The following TRAF3 variants were observed in gnomAD, a reference collection of about 807,000 sequenced individuals.
TRAF3 encodes TNF receptor-associated factor 3.
In TRAF3, 13 loss-of-function variants were observed where a neutral mutation model predicts 62.3. That is an observed-to-expected ratio of 0.21 (90% CI 0.14 to 0.33). The LOEUF (loss-of-function observed/expected upper bound fraction) is 0.33, where lower values mean the gene tolerates loss of function less well. TRAF3 is among the 10% of genes least tolerant of loss of function. TRAF3 has a pLI of 1.00. For synonymous variants in TRAF3, 269 were observed against 283.4 expected (o/e 0.95, Z 0.51); for missense variants, 440 against 741.8 (o/e 0.59, Z 4.73).
chr14:102,835,785 G>GA (rs1199491153), intron 2 of TRAF3, among the ~76,000 whole-genome samples: 1 of 152,100 alleles, frequency 6.6e-6, no homozygotes, highest in Non-Finnish European at 1.5e-5. Context: ...GAGAGGATCA[G>GA]AAAAAATAAC....
intron 2 of TRAF3, among the ~76,000 whole-genome samples, chr14:102,863,978 A>G (rs1015295218): frequency 6.6e-6 from 1 of 152,156 alleles, no homozygotes; most frequent in African/African-American, 2.4e-5. Context: ...CTTCTAGGCC[A>G]CTGCGGCAGC....
At chr14:102,850,616 C>G (rs1016786904) in intron 2 of TRAF3, among the ~76,000 whole-genome samples, 1 of 144,810 alleles carries the variant, frequency 6.9e-6, no homozygotes, top group Non-Finnish European at 1.5e-5. Context: ...ATCGTTTGAA[C>G]CTGGGAGGCG....
rs575278466 is a variant in TRAF3, at chr14:102,826,460, C to T, written c.-156-3874C>T. 3.3e-5 allele frequency among the ~76,000 whole-genome samples: 5 copies of T among 152,142 alleles called. No individual in the cohort carries two copies. In the South Asian group the frequency reaches 8.3e-4, roughly 25 times the overall value. Reference sequence around the variant, plus strand: ...GGACAGCATGGGAGCTGCTGGAGGTCGGGGGAGCTCAGGGAAAGGGCCTTG... The same window carrying T: ...GGACAGCATGGGAGCTGCTGGAGGTTGGGGGAGCTCAGGGAAAGGGCCTTG... On this transcript the variant is annotated intron_variant, in intron 1 of 11. Coordinates refer to ENST00000392745, the MANE Select transcript of TRAF3 (RefSeq NM_145725.3). This position sits in a 1 kb window ranked among gnomAD's most constrained non-coding sequence, Gnocchi z 4.6.
At position 102,887,606 on chromosome 14, in the gene TRAF3, T is replaced by G. The variant is rs569682435; in HGVS notation, c.651+1337T>G. Among the ~76,000 whole-genome samples, 9 of 152,314 alleles carry G rather than the reference T, an allele frequency of 5.9e-5. No individual in the cohort carries two copies. The South Asian group carries it at 6.2e-4, about 11-fold the overall frequency. ...GTGCTGTTGAAATAATTTCTTTTTT[T>G]TTTTTTGAGACGGAGTCTCGCTCTG... On this transcript the variant is annotated intron_variant, in intron 7 of 11. Coordinates refer to ENST00000392745, the MANE Select transcript of TRAF3 (RefSeq NM_145725.3).
chr14:102,788,406 A>G (rs1180634116), intron 1 of TRAF3, among the ~76,000 whole-genome samples: 14 of 152,138 alleles, frequency 9.2e-5, no homozygotes, highest in Non-Finnish European at 1.0e-4. Context: ...CCGCACCTGT[A>G]ATTTCAGCAT....
intron 1 of TRAF3, among the ~76,000 whole-genome samples, chr14:102,804,892 C>G (rs528089806): frequency 6.3e-4 from 96 of 152,234 alleles, no homozygotes; most frequent in African/African-American, 2.2e-3. Flanking sequence ...TTACAAACTT[C>G]TAAAAATCTT....
At chr14:102,867,904 C>T (rs916430357) in intron 2 of TRAF3, among the ~76,000 whole-genome samples, 6 of 152,236 alleles carry the variant, frequency 3.9e-5, no homozygotes, top group African/African-American at 1.4e-4. Flanking sequence ...GTGGCTAGAA[C>T]GCCAGTTCAT....
chr14:102,898,317 A>C (rs1281070570), intron 10 of TRAF3, among the ~76,000 whole-genome samples: 1 of 152,268 alleles, frequency 6.6e-6, no homozygotes, highest in Non-Finnish European at 1.5e-5. Flanking sequence ...ATGAAACATT[A>C]GATTGTATTA....
intron 1 of TRAF3, among the ~76,000 whole-genome samples, chr14:102,816,466 G>A (rs1899530066): frequency 1.3e-5 from 2 of 152,130 alleles, no homozygotes; most frequent in African/African-American, 4.8e-5. Flanking sequence ...TTAAAAAAAT[G>A]CAAAATATCC....
chr14:102,845,434 C>T (rs994920892), intron 2 of TRAF3, among the ~76,000 whole-genome samples: 1 of 151,848 alleles, frequency 6.6e-6, no homozygotes, highest in African/African-American at 2.4e-5. Context: ...AACTCCTGAC[C>T]TCAGGTGATC....
At chr14:102,786,297 G>T (rs1420517319) in intron 1 of TRAF3, among the ~76,000 whole-genome samples, 1 of 152,200 alleles carries the variant, frequency 6.6e-6, no homozygotes, top group East Asian at 1.9e-4. Flanking sequence ...ACAACATTAT[G>T]AATGTATTTA....
intron 1 of TRAF3, among the ~76,000 whole-genome samples, chr14:102,827,224 G>A (rs1238536192): frequency 6.6e-6 from 1 of 152,218 alleles, no homozygotes; most frequent in African/African-American, 2.4e-5. Context: ...CCTGTGCGGT[G>A]CCAAGCCCTC....
intron 10 of TRAF3, among the ~76,000 whole-genome samples, chr14:102,902,249 G>T (rs1890341036): frequency 6.6e-6 from 1 of 152,252 alleles, no homozygotes; most frequent in Admixed American, 6.5e-5. Context: ...CTGGCAGCCT[G>T]AGTGTGGAGC....
intron 2 of TRAF3, among the ~76,000 whole-genome samples, chr14:102,863,897 A>C (rs556987679): frequency 4.3e-4 from 65 of 152,292 alleles, no homozygotes; most frequent in Non-Finnish European, 7.4e-4. Flanking sequence ...AAACAACTGC[A>C]GTTCTTTGCC....
rs544948386 is a variant in TRAF3, at chr14:102,830,597, C to G, written c.-18+125C>G. Reference sequence around the variant, plus strand: ...AGAATTTTAAAAATTCTTGTCTTCCCTTCTTCTGGTTATTTATAGAATTTC... The same window carrying G: ...AGAATTTTAAAAATTCTTGTCTTCCGTTCTTCTGGTTATTTATAGAATTTC... On this transcript the variant is annotated intron_variant, in intron 2 of 11. Coordinates refer to ENST00000392745, the MANE Select transcript of TRAF3 (RefSeq NM_145725.3). 4 of 152,278 alleles carry G rather than the reference C, an allele frequency of 2.6e-5. No individual in the cohort carries two copies. In the South Asian group the frequency reaches 8.3e-4, roughly 32 times the overall value. 9.4% of individuals were successfully genotyped at this position (152,278 alleles called of 1,614,324 possible). A position where few individuals can be genotyped will look rare whatever the true frequency, so the allele number is the denominator to read the frequency against.
intron 1 of TRAF3, chr14:102,809,009 T>A (rs1215050474): frequency 1.3e-5 from 2 of 151,350 alleles, no homozygotes; most frequent in Non-Finnish European, 2.9e-5. Flanking sequence ...TATTTTGAGA[T>A]GGCGTCTCGC....
chr14:102,885,146 C>CA (rs1889302357), intron 6 of TRAF3, among the ~76,000 whole-genome samples: 2 of 152,200 alleles, frequency 1.3e-5, no homozygotes, highest in South Asian at 2.1e-4. Flanking sequence ...GCCTTAGAAA[C>CA]ATGCCGAGGA....
At chr14:102,905,161 C>T (rs1890523613) in intron 11 of TRAF3, 52 bp from the exon 12 acceptor site, 3 of 1,555,224 alleles carry the variant, frequency 1.9e-6, no homozygotes, top group South Asian at 1.1e-5. Context: ...GCTTTCCTAA[C>T]CTCTCTGACG....
intron 1 of TRAF3, among the ~76,000 whole-genome samples, chr14:102,806,457 G>A (rs2092338923): frequency 6.6e-6 from 1 of 152,176 alleles, no homozygotes; most frequent in Non-Finnish European, 1.5e-5. Context: ...GAATTTTTGA[G>A]TAGATACCAT....
Sources: allele counts gnomAD v4.1 joint callset (sites outside exome capture counted in the v4.1 genomes callset), GRCh38; gene constraint gnomAD v4.1.1; non-coding constraint Gnocchi (gnomAD v3.1); transcripts MANE v1.5; gene names NCBI Gene and HGNC (gene_info 2026-07-23, HGNC 2026-07-21).